Variants in NXNL1 observed in about 807,000 individuals in gnomAD.
NXNL1 encodes the protein nucleoredoxin-like protein 1.
Under a neutral mutation model 7.2 loss-of-function variants are expected in NXNL1, and 6 were observed. That is an observed-to-expected ratio of 0.83 (90% CI 0.46 to 1.64). The LOEUF (loss-of-function observed/expected upper bound fraction) is 1.64. Among genes scored for constraint, NXNL1 ranks in the 40% most tolerant of loss-of-function variants. The pLI, the probability that NXNL1 is intolerant of heterozygous loss-of-function variation, is 0.01. For synonymous variants in NXNL1, 133 were observed against 127.2 expected, an observed-to-expected ratio of 1.05 and a Z score of -0.31; for missense variants, 308 against 285.1, an observed-to-expected ratio of 1.08 and a Z score of -0.58.
chr19:17,457,028 C>T (rs934685862), intron 1 of NXNL1, among the ~76,000 whole-genome samples: 1 of 149,854 alleles, frequency 6.7e-6, no homozygotes, highest in Non-Finnish European at 1.5e-5. Flanking sequence ...CCAGCCTGGG[C>T]GAAGATACTC....
Position 17,455,668 on chromosome 19 carries a change from G to GGGGGCCCCCCCC in NXNL1, c.617_618insGGGGGGGGCCCC (p.Gly207_Ala208insGlyAlaProGly). 2.1e-5 allele frequency: 7 copies of GGGGGCCCCCCCC among 330,276 alleles called. No individual in the cohort carries two copies. The highest frequency in any genetic ancestry group is 6.1e-5 in the Admixed American group (1 of 16,374). The allele number at this position is 330,276 out of a possible 1,614,324, so 20.5% of individuals were successfully genotyped here. ...CGGGTCAGAACAGCCCCCCGGCCCC[G>GGGGGCCCCCCCC]CCCTCCTCCCCACCCCCTCCCCCGG... On this transcript the variant is annotated inframe_insertion, in exon 2 of 2. Coordinates refer to ENST00000301944, the MANE Select transcript of NXNL1 (RefSeq NM_138454.2).
At chr19:17,457,094 T>TA (rs67507866) in intron 1 of NXNL1, among the ~76,000 whole-genome samples, 26,505 of 142,076 alleles carry the variant, frequency 0.19, 2,498 homozygotes, top group Non-Finnish European at 0.2. Flanking sequence ...CTCCCTCTCT[T>TA]AAAAAAAAAA....
intron 1 of NXNL1, among the ~76,000 whole-genome samples, chr19:17,456,973 C>A (rs2074995591): frequency 6.6e-6 from 1 of 151,902 alleles, no homozygotes; most frequent in Non-Finnish European, 1.5e-5. Flanking sequence ...TGGCGTGAAC[C>A]CGGAAGGCAG....
chr19:17,459,637 C>A (rs1002841185), intron 1 of NXNL1, among the ~76,000 whole-genome samples: 1 of 152,016 alleles, frequency 6.6e-6, no homozygotes, highest in Admixed American at 6.6e-5. Flanking sequence ...AGGCTAGTCT[C>A]GAACTCCTGA....
rs757719147 is a variant in NXNL1 at position 17,460,847 on chromosome 19, C to T, written c.23G>A (p.Arg8His). The change falls in exon 1 of 2, where the codon CGC becomes CAC. Residue 8 changes from arginine (R) to histidine (H), a missense_variant. Physicochemically the swap from Arg to His is conservative, Grantham distance 29. Coordinates refer to ENST00000301944, the MANE Select transcript of NXNL1 (RefSeq NM_138454.2). ...GTCGCTATTGTTGCGGATCAGGATGCGGCCAGAGAACAGGGAGGCCATGGT... is the reference window on the plus strand; with the variant it reads ...GTCGCTATTGTTGCGGATCAGGATGTGGCCAGAGAACAGGGAGGCCATGGT... MASLFSG[R>H]ILIRNNSDQD... 23 of 1,613,394 alleles carry T rather than the reference C, an allele frequency of 1.4e-5. No individual in the cohort carries two copies. The Middle Eastern group carries it at 4.9e-4, about 35-fold the overall frequency.
At position 17,460,787 on chromosome 19, in the gene NXNL1, C is replaced by T. The variant is rs372809923; in HGVS notation, c.83G>A (p.Arg28His). The T allele has an allele frequency of 4.1e-5, 66 of 1,613,672 alleles. No homozygotes were observed. The highest frequency in any genetic ancestry group is 8.9e-5 in the East Asian group (4 of 44,882). The change falls in exon 1 of 2, where the codon CGC becomes CAC. Residue 28 changes from arginine (R) to histidine (H), a missense_variant. Arg to His is a conservative substitution (Grantham distance 29). Coordinates refer to ENST00000301944, the MANE Select transcript of NXNL1 (RefSeq NM_138454.2). Reference sequence around the variant, plus strand: ...CAGCACCAGCCGGTTCTCCAGCCTGCGACTGACCTCAGCCTCCGTATCCAG... The same window carrying T: ...CAGCACCAGCCGGTTCTCCAGCCTGTGACTGACCTCAGCCTCCGTATCCAG... ...DELDTEAEVS[R>H]RLENRLVLLF...
chr19:17,455,597 G>A lies in NXNL1; in HGVS notation c.*50C>T. The A allele has an allele frequency of 8.9e-7, 1 of 1,126,978 alleles. No homozygotes were observed. The highest frequency in any genetic ancestry group is 1.3e-6 in the Non-Finnish European group (1 of 795,088). The allele number at this position is 1,126,978 out of a possible 1,614,324, so 69.8% of individuals were successfully genotyped here. A position where few individuals can be genotyped will look rare whatever the true frequency, so the allele number is the denominator to read the frequency against. ...ATTACAGGCGTGCGGGGGTGGGGTG[G>A]GGGTGGAGGTTCATCAACAAACCCC... On this transcript the variant is annotated 3_prime_UTR_variant, in exon 2 of 2. Transcript: ENST00000301944.
At position 17,455,852 on chromosome 19, in the gene NXNL1, C is replaced by A. The variant is rs1409404459; in HGVS notation, c.434G>T (p.Gly145Val). 4 of 1,588,430 alleles carry A rather than the reference C, an allele frequency of 2.5e-6. No homozygotes were observed. In the East Asian group the frequency reaches 9.0e-5, roughly 36 times the overall value. The change falls in exon 2 of 2, where the codon GGC (glycine) becomes GTC (valine). Residue 145 changes from glycine to valine, a missense_variant. Physicochemically the swap from Gly to Val is moderately radical, Grantham distance 109. Coordinates refer to ENST00000301944, the MANE Select transcript of NXNL1 (RefSeq NM_138454.2). Reference sequence around the variant, plus strand: ...CTGCCAGTTGGCGAAGCAGGCGGTGCCCAGGCGCTGGATCTCGTCGGCGCC... The same window carrying A: ...CTGCCAGTTGGCGAAGCAGGCGGTGACCAGGCGCTGGATCTCGTCGGCGCC... ...RDGADEIQRL[G>V]TACFANWQEA...
chr19:17,457,180 T>C (rs1025000655), intron 1 of NXNL1, among the ~76,000 whole-genome samples: 3 of 151,880 alleles, frequency 2.0e-5, no homozygotes, highest in African/African-American at 7.3e-5. Context: ...GGAGGATTGC[T>C]TGAGCCCAAC....
In NXNL1 at chr19:17,455,822, G is replaced by T; in HGVS notation, c.464C>A (p.Ala155Glu). 2 of 1,578,508 alleles carry T rather than the reference G, an allele frequency of 1.3e-6. No homozygotes were observed. The highest frequency in any genetic ancestry group is 8.6e-7 in the Non-Finnish European group (1 of 1,167,996). The change falls in exon 2 of 2, where the codon GCG becomes GAG. Residue 155 changes from alanine (A) to glutamate (E), a missense_variant. Physicochemically the swap from Ala to Glu is moderately radical, Grantham distance 107 (BLOSUM62 -1). Transcript: ENST00000301944. ...GTACFANWQE[A>E]AEVLDRNFQL... ...GAAGTTGCGGTCCAGCACCTCGGCC[G>T]CCTCCTGCCAGTTGGCGAAGCAGGC...
In NXNL1 at chr19:17,459,416, T is replaced by C. The variant is rs536855695; in HGVS notation, c.326+1128A>G. Among the ~76,000 whole-genome samples, 17 of 85,886 alleles carry C rather than the reference T, an allele frequency of 2.0e-4. No individual in the cohort carries two copies. In the East Asian group the frequency reaches 3.7e-3, roughly 19 times the overall value. The allele number at this position is 85,886 out of a possible 152,430, so 56.3% of individuals were successfully genotyped here. On this transcript the variant is annotated intron_variant, in intron 1 of 1. Coordinates refer to ENST00000301944, the MANE Select transcript of NXNL1 (RefSeq NM_138454.2). Reference sequence around the variant, plus strand: ...TAATTTATTTATTTATTACATTTTTTATTTTTTATTTTTATTTTTGAGACA... The same window carrying C: ...TAATTTATTTATTTATTACATTTTTCATTTTTTATTTTTATTTTTGAGACA...
At chr19:17,456,059 G>C (rs2074992268) in intron 1 of NXNL1, 100 bp from the exon 2 acceptor site, 1 of 1,538,950 alleles carries the variant, frequency 6.5e-7, no homozygotes, top group African/African-American at 1.4e-5. Flanking sequence ...CGCCTTCTGT[G>C]TGCACTGCCT....
intron 1 of NXNL1, 31 bp from the exon 2 acceptor site, chr19:17,455,990 T>G: frequency 6.3e-7 from 1 of 1,596,750 alleles, no homozygotes; most frequent in Non-Finnish European, 8.5e-7. Flanking sequence ...TCTGGACGGA[T>G]CCACATCCCT....
At position 17,455,940 on chromosome 19, in the gene NXNL1, A is replaced by G. The variant is rs1484752765; in HGVS notation, c.346T>C (p.Ser116Pro). The change falls in exon 2 of 2, where the codon TCA becomes CCA. Residue 116 changes from serine (S) to proline (P), a missense_variant. Transcript: ENST00000301944. ...DLRRDLGRQF[S>P]VERLPAVVVL... Reference sequence around the variant, plus strand: ...ACGACCGCCGGCAGGCGCTCCACTGAGAACTGGCGCCCGAGGTCCCTGCGG... The same window carrying G: ...ACGACCGCCGGCAGGCGCTCCACTGGGAACTGGCGCCCGAGGTCCCTGCGG... The G allele has an allele frequency of 6.3e-7, 1 of 1,597,256 alleles. No homozygotes were observed. Among genetic ancestry groups the G allele is most frequent in the Non-Finnish European group, 8.5e-7 (1 of 1,179,378 alleles).
At position 17,455,691 on chromosome 19, in the gene NXNL1, C is replaced by CCCCCCCG; in HGVS notation, c.594_595insCGGGGGG (p.Gly199ArgfsTer20). The CCCCCCCG allele has an allele frequency of 6.6e-7, 1 of 1,513,720 alleles. No individual in the cohort carries two copies. Among genetic ancestry groups the CCCCCCCG allele is most frequent in the Non-Finnish European group, 8.8e-7 (1 of 1,130,302 alleles). 93.8% of individuals were successfully genotyped at this position (1,513,720 alleles called of 1,614,324 possible). Reference sequence around the variant, plus strand: ...CCGCCCTCCTCCCCACCCCCTCCCCCGGGGTCGCGCCCGCCTCGCGCCGCC... The same window carrying CCCCCCCG: ...CCGCCCTCCTCCCCACCCCCTCCCCCCCCCCCGGGGGTCGCGCCCGCCTCGCGCCGCC... On this transcript the variant is annotated frameshift_variant, in exon 2 of 2. Transcript: ENST00000301944. LOFTEE classifies it low-confidence loss of function (END_TRUNC).
In NXNL1 at chr19:17,460,660, C is replaced by T. The variant is rs752058836; in HGVS notation, c.210G>A (p.Ala70=). ...ACACGTACACCAGGGCCAGCTGAGC[C>T]GCCCGCAGTACATAGAACTCATCTG... ...RLTDEFYVLR[A]AQLALVYVSQ... The change falls in exon 1 of 2, where the codon GCG becomes GCA. Residue 70 remains alanine, a synonymous_variant. Coordinates refer to ENST00000301944, the MANE Select transcript of NXNL1 (RefSeq NM_138454.2). 200 of 1,613,346 alleles carry T rather than the reference C, an allele frequency of 1.2e-4. No individual in the cohort carries two copies. Among genetic ancestry groups the T allele is most frequent in the Middle Eastern group, 4.9e-4 (3 of 6,084 alleles).
intron 1 of NXNL1, among the ~76,000 whole-genome samples, chr19:17,456,274 A>T (rs2074993064): frequency 6.6e-6 from 1 of 151,100 alleles, no homozygotes; most frequent in Non-Finnish European, 1.5e-5. Flanking sequence ...ACAAGGTCTT[A>T]CTACATTTAT....
Position 17,455,661 on chromosome 19 carries a change from C to CGG in NXNL1, c.623_624dup (p.Gly209ProfsTer56). 8.3e-5 allele frequency: 70 copies of CGG among 839,896 alleles called. No homozygotes were observed. Among genetic ancestry groups the CGG allele is most frequent in the Middle Eastern group, 3.4e-4 (1 of 2,958 alleles). The allele number at this position is 839,896 out of a possible 1,614,324, so 52.0% of individuals were successfully genotyped here. Reference sequence around the variant, plus strand: ...ACCCTAGCGGGTCAGAACAGCCCCCCGGCCCCGCCCTCCTCCCCACCCCCT... The same window carrying CGG: ...ACCCTAGCGGGTCAGAACAGCCCCCCGGGGCCCCGCCCTCCTCCCCACCCCCT... On this transcript the variant is annotated frameshift_variant, in exon 2 of 2. Transcript: ENST00000301944. LOFTEE classifies it high-confidence loss of function.
intron 1 of NXNL1, among the ~76,000 whole-genome samples, chr19:17,457,464 T>C (rs2074997522): frequency 6.6e-6 from 1 of 152,008 alleles, no homozygotes; most frequent in African/African-American, 2.4e-5. Flanking sequence ...TTCAAACTCC[T>C]GGGCTCCAGT....
Sources: gnomAD v4.1 joint callset for allele counts (sites outside exome capture counted in the v4.1 genomes callset) on GRCh38, gnomAD v4.1.1 for gene constraint, MANE v1.5 for transcripts, NCBI Gene and HGNC (gene_info 2026-07-23, HGNC 2026-07-21) for gene names.